Variants in GTPBP1 observed in about 807,000 individuals in gnomAD.
GTPBP1 encodes GTP-binding protein 1.
In GTPBP1, 23 loss-of-function variants were observed where a neutral mutation model predicts 62.0. The ratio of observed to expected loss-of-function variants is 0.37; its 90% confidence interval spans 0.27 to 0.53. GTPBP1 has a LOEUF of 0.53. GTPBP1 is among the 20% of genes least tolerant of loss of function. The probability of loss-of-function intolerance (pLI) is 0.89; values close to 1 mark genes in which losing one functional copy is unlikely to be tolerated. For synonymous variants in GTPBP1, 344 were observed against 364.4 expected, an observed-to-expected ratio of 0.94 and a Z score of 0.64; for missense variants, 640 against 917.3, an observed-to-expected ratio of 0.70 and a Z score of 3.90.
intron 4 of GTPBP1, among the ~76,000 whole-genome samples, chr22:38,721,026 C>T (rs1423060022): frequency 2.6e-5 from 4 of 152,218 alleles, no homozygotes; most frequent in South Asian, 2.1e-4. Flanking sequence ...CCACCTCAGC[C>T]TCCCAAGTAG....
At chr22:38,742,382 C>CA, downstream of GTPBP1, 1 of 1,613,378 alleles carries the variant, frequency 6.2e-7, no homozygotes, top group Non-Finnish European at 8.5e-7. Context: ...CCAGCAGCGC[C>CA]AGGGTGTCCT....
chr22:38,708,459 C>T (rs2092619033), intron 1 of GTPBP1, among the ~76,000 whole-genome samples: 1 of 152,156 alleles, frequency 6.6e-6, no homozygotes, highest in African/African-American at 2.4e-5. Context: ...AGGTATATGT[C>T]TTGTGGGCTT....
At chr22:38,733,864 C>A (rs909237384), downstream of GTPBP1, among the ~76,000 whole-genome samples, 2 of 152,234 alleles carry the variant, frequency 1.3e-5, no homozygotes, top group Non-Finnish European at 2.9e-5. Context: ...TACAGATGGG[C>A]AGAGGGCATG....
At position 38,716,588 on chromosome 22, in the gene GTPBP1, A is replaced by G; in HGVS notation, c.486-64A>G. Reference sequence around the variant, plus strand: ...TGCGGATCCAATTACTGGGGTTATGATGGTCGCTCCACCTCACTCATTCAC... The same window carrying G: ...TGCGGATCCAATTACTGGGGTTATGGTGGTCGCTCCACCTCACTCATTCAC... On this transcript the variant is annotated intron_variant, in intron 3 of 11. Transcript: ENST00000216044. The surrounding 1 kb of genome is among the most constrained non-coding windows in gnomAD (Gnocchi z 5.2). 1 of 1,200,440 alleles carries G rather than the reference A, an allele frequency of 8.3e-7. No individual in the cohort carries two copies. Among genetic ancestry groups the G allele is most frequent in the East Asian group, 2.5e-5 (1 of 39,458 alleles). The allele number at this position is 1,200,440 out of a possible 1,614,324, so 74.4% of individuals were successfully genotyped here.
chr22:38,730,910 C>T lies in GTPBP1; in HGVS notation c.*206C>T. Reference sequence around the variant, plus strand: ...GCCAGACTTCCGGAGGACTGACCATCTCTCACTGTCCTCCCCACCTTCTTC... The same window carrying T: ...GCCAGACTTCCGGAGGACTGACCATTTCTCACTGTCCTCCCCACCTTCTTC... On this transcript the variant is annotated 3_prime_UTR_variant, in exon 12 of 12. Coordinates refer to ENST00000216044, the MANE Select transcript of GTPBP1 (RefSeq NM_004286.5). This position sits in a 1 kb window ranked among gnomAD's most constrained non-coding sequence, Gnocchi z 5.6. The T allele has an allele frequency of 3.6e-6, 2 of 551,804 alleles. No homozygotes were observed. Among genetic ancestry groups the T allele is most frequent in the Non-Finnish European group, 6.4e-6 (2 of 312,910 alleles). The allele number at this position is 551,804 out of a possible 1,614,324, so 34.2% of individuals were successfully genotyped here.
chr22:38,729,532 A>G lies in GTPBP1; in HGVS notation c.1787A>G (p.Lys596Arg). Reference sequence around the variant, plus strand: ...CAGATTAAAATGCAGTCGACGAAAAAGGGCCCCCTGACGAAACGAGACGAG... The same window carrying G: ...CAGATTAAAATGCAGTCGACGAAAAGGGGCCCCCTGACGAAACGAGACGAG... ...PQQIKMQSTK[K>R]GPLTKRDEGG... is the part of the protein sequence containing the mutation. Residue 596 changes from lysine to arginine, a missense_variant, in exon 11 of 12, where the codon AAG becomes AGG. Physicochemically the swap from Lys to Arg is conservative, Grantham distance 26 (BLOSUM62 2). Coordinates refer to ENST00000216044, the MANE Select transcript of GTPBP1 (RefSeq NM_004286.5). 1.2e-6 allele frequency: 2 copies of G among 1,607,452 alleles called. No homozygotes were observed. Among genetic ancestry groups the G allele is most frequent in the Non-Finnish European group, 1.7e-6 (2 of 1,177,026 alleles).
Position 38,714,664 on chromosome 22 carries a change from G to A in GTPBP1, c.305-1243G>A, listed in dbSNP as rs543136826. ...GCTTTGCAGATAAGCAGGGGCAAGG[G>A]AAGGGGGGTGGTTTTCCTTTCCTTA... On this transcript the variant is annotated intron_variant, in intron 2 of 11. Coordinates refer to ENST00000216044, the MANE Select transcript of GTPBP1 (RefSeq NM_004286.5). Among the ~76,000 whole-genome samples the A allele has an allele frequency of 3.3e-5, 5 of 152,242 alleles. No individual in the cohort carries two copies. In the East Asian group the frequency reaches 9.6e-4, roughly 29 times the overall value.
In GTPBP1 at chr22:38,726,218, T is replaced by G. The variant is rs2092726102; in HGVS notation, c.1219-40T>G. The G allele has an allele frequency of 6.2e-7, 1 of 1,611,960 alleles. No individual in the cohort carries two copies. The highest frequency in any genetic ancestry group is 1.3e-5 in the African/African-American group (1 of 74,832). On this transcript the variant is annotated intron_variant, in intron 7 of 11. Transcript: ENST00000216044. This position sits in a 1 kb window ranked among gnomAD's most constrained non-coding sequence, Gnocchi z 4.1. The stretch of plus-strand genomic sequence containing the variant: ...GTGGCATCAGGGGGTGGGTCTGTGC[T>G]GGGGATGCACTTATGAGGCCAGGGT...
intron 6 of GTPBP1, among the ~76,000 whole-genome samples, chr22:38,724,944 G>A (rs1053289985): frequency 6.6e-6 from 1 of 152,206 alleles, no homozygotes; most frequent in Non-Finnish European, 1.5e-5. Flanking sequence ...TCATCTAGAT[G>A]TTGAGGATTC....
chr22:38,737,799 G>T (rs559909097), downstream of GTPBP1: 151 of 437,590 alleles, frequency 3.5e-4, 1 homozygote, highest in South Asian at 2.5e-3. This position sits in a 1 kb window ranked among gnomAD's most constrained non-coding sequence, Gnocchi z 4.1. Context: ...AGTTTAAGCC[G>T]CATGCACTGC....
At chr22:38,742,507 C>T, downstream of GTPBP1, 6 of 1,613,406 alleles carry the variant, frequency 3.7e-6, no homozygotes, top group Non-Finnish European at 5.1e-6. Context: ...GCAAGAGCTT[C>T]CAGACGCCGC....
intron 2 of GTPBP1, among the ~76,000 whole-genome samples, chr22:38,712,972 G>GT: frequency 6.6e-6 from 1 of 152,324 alleles, no homozygotes; most frequent in South Asian, 2.1e-4. Flanking sequence ...AATTGTTGCG[G>GT]TATGTTCCTT....
At position 38,727,408 on chromosome 22, in the gene GTPBP1, G is replaced by T; in HGVS notation, c.1537+60G>T. On this transcript the variant is annotated intron_variant, in intron 9 of 11. Coordinates refer to ENST00000216044, the MANE Select transcript of GTPBP1 (RefSeq NM_004286.5). The surrounding 1 kb of genome is among the most constrained non-coding windows in gnomAD (Gnocchi z 6.5). ...GTCGTGTTAGCTCCCCTCAGAAGGT[G>T]TTCCAGCAACCCAGGCCCCCTAGTT... 1 of 1,457,822 alleles carries T rather than the reference G, an allele frequency of 6.9e-7. No individual in the cohort carries two copies. The highest frequency in any genetic ancestry group is 9.1e-7 in the Non-Finnish European group (1 of 1,095,466). 90.3% of individuals were successfully genotyped at this position (1,457,822 alleles called of 1,614,324 possible).
intron 1 of GTPBP1, among the ~76,000 whole-genome samples, chr22:38,708,109 A>C (rs1425514403): frequency 6.6e-6 from 1 of 152,234 alleles, no homozygotes; most frequent in Non-Finnish European, 1.5e-5. Flanking sequence ...CTTAGGATGC[A>C]GGTAGTATTA....
chr22:38,741,494 C>T (rs1274509559), downstream of GTPBP1: 1 of 1,613,918 alleles, frequency 6.2e-7, no homozygotes, highest in South Asian at 1.1e-5. Context: ...GCCCGCTGAC[C>T]TGGGAGGCCC....
At chr22:38,712,983 G>A (rs570344049) in intron 2 of GTPBP1, among the ~76,000 whole-genome samples, 1 of 152,292 alleles carries the variant, frequency 6.6e-6, no homozygotes, top group African/African-American at 2.4e-5. Flanking sequence ...TATGTTCCTT[G>A]TTTTCAAGAT....
chr22:38,706,256 C>G (rs2092603660), intron 1 of GTPBP1, 109 bp downstream of exon 1: 12 of 703,570 alleles, frequency 1.7e-5, no homozygotes, highest in Non-Finnish European at 2.3e-5. Context: ...GAGCGCGGAA[C>G]GGGAAGAAGG....
rs1399436557 is a variant in GTPBP1 at position 38,730,589 on chromosome 22, C to T, written c.1918-23C>T. ...CTGCTCCTGATGGGCCAGTGCTTCT[C>T]AAGCTCCTTCTCTCTCTTTCAGCCT... On this transcript the variant is annotated intron_variant, in intron 11 of 11. Coordinates refer to ENST00000216044, the MANE Select transcript of GTPBP1 (RefSeq NM_004286.5). This position sits in a 1 kb window ranked among gnomAD's most constrained non-coding sequence, Gnocchi z 5.6. The T allele has an allele frequency of 2.6e-6, 4 of 1,535,152 alleles. No homozygotes were observed. The East Asian group carries it at 9.0e-5, about 34-fold the overall frequency.
downstream of GTPBP1, chr22:38,742,279 C>A (rs1319303823): frequency 6.3e-7 from 1 of 1,576,200 alleles, no homozygotes; most frequent in Admixed American, 1.7e-5. Context: ...CACCTCCCAC[C>A]CTGAGGTATT....
Sources: gnomAD v4.1 joint callset for allele counts (sites outside exome capture counted in the v4.1 genomes callset) on GRCh38, gnomAD v4.1.1 for gene constraint, Gnocchi (gnomAD v3.1) non-coding constraint, MANE v1.5 for transcripts, NCBI Gene and HGNC (gene_info 2026-07-23, HGNC 2026-07-21) for gene names.